NRG1: variants seen among roughly 807,000 people sequenced by gnomAD.
NRG1 encodes the protein pro-neuregulin-1, membrane-bound isoform.
In NRG1, 18 loss-of-function variants were observed where a neutral mutation model predicts 63.8. The ratio of observed to expected loss-of-function variants is 0.28; its 90% CI spans 0.19 to 0.42. NRG1 has a LOEUF of 0.42. Ranked by LOEUF, NRG1 falls within the 10% of genes least tolerant of loss-of-function variation. NRG1 has a pLI of 1.00. For missense variants in NRG1, 762 were observed against 814.7 expected (o/e 0.94, Z 0.79); for synonymous variants, 302 against 301.3 (o/e 1.00, Z -0.02).
chr8:32,506,636 T>A (rs756595737), intron 1 of NRG1, among the ~76,000 whole-genome samples: 2 of 152,136 alleles, frequency 1.3e-5, no homozygotes, highest in Non-Finnish European at 2.9e-5. Context: ...CCTGCCAATC[T>A]AAATTTGGAG....
chr8:31,958,702 T>C (rs1158929307), intron 1 of NRG1, among the ~76,000 whole-genome samples: 1 of 152,214 alleles, frequency 6.6e-6, no homozygotes, highest in Non-Finnish European at 1.5e-5. Context: ...TATGCTTTAC[T>C]ATTACATAAG....
At chr8:32,040,761 A>ATATG (rs1819885734) in intron 1 of NRG1, among the ~76,000 whole-genome samples, 1 of 132,710 alleles carries the variant, frequency 7.5e-6, no homozygotes, top group African/African-American at 2.6e-5. Flanking sequence ...ATATATATAT[A>ATATG]TATATATGCG....
intron 1 of NRG1, among the ~76,000 whole-genome samples, chr8:32,485,728 G>T (rs867388710): frequency 6.6e-6 from 1 of 152,162 alleles, no homozygotes. Context: ...TTAAACTCCT[G>T]AGAGAAGTTG....
intron 1 of NRG1, among the ~76,000 whole-genome samples, chr8:31,871,927 T>C (rs530664651): frequency 6.6e-6 from 1 of 152,176 alleles, no homozygotes; most frequent in Non-Finnish European, 1.5e-5. Flanking sequence ...AATGTGGCTT[T>C]TATTTTTTTT....
chr8:32,013,539 C>T (rs1420656413), intron 1 of NRG1, among the ~76,000 whole-genome samples: 1 of 152,024 alleles, frequency 6.6e-6, no homozygotes, highest in African/African-American at 2.4e-5. Flanking sequence ...TGAAGGCAGG[C>T]CAAGGCCTCC....
chr8:31,745,368 T>G (rs1815741987), intron 1 of NRG1, among the ~76,000 whole-genome samples: 1 of 151,646 alleles, frequency 6.6e-6, no homozygotes, highest in South Asian at 2.1e-4. Context: ...GATATAGGAG[T>G]CGTGGCGGCC....
intron 1 of NRG1, among the ~76,000 whole-genome samples, chr8:31,811,785 A>G (rs191293224): frequency 6.6e-6 from 1 of 152,174 alleles, no homozygotes; most frequent in East Asian, 1.9e-4. Context: ...TTGTAATTTA[A>G]CGAAAGAGAG....
chr8:31,855,291 G>T (rs1015721747), intron 1 of NRG1, among the ~76,000 whole-genome samples: 5 of 152,076 alleles, frequency 3.3e-5, no homozygotes, highest in African/African-American at 7.2e-5. Flanking sequence ...TGAATCTGGG[G>T]GCTCCTGTAT....
chr8:32,167,308 T>C (rs1294810368), intron 1 of NRG1, among the ~76,000 whole-genome samples: 2 of 152,154 alleles, frequency 1.3e-5, no homozygotes, highest in South Asian at 2.1e-4. Context: ...TAAATCAGAA[T>C]GTAAGAGCCA....
intron 1 of NRG1, among the ~76,000 whole-genome samples, chr8:32,558,850 G>A (rs758470131): frequency 6.6e-6 from 1 of 151,998 alleles, no homozygotes; most frequent in African/African-American, 2.4e-5. Context: ...GGAAGCCAAA[G>A]TGGGAGATCT....
intron 5 of NRG1, among the ~76,000 whole-genome samples, chr8:32,656,372 G>A (rs1254975834): frequency 6.6e-6 from 1 of 152,056 alleles, no homozygotes. Flanking sequence ...AGTATATATT[G>A]GAGATTCTGT....
chr8:32,015,540 T>C (rs1473634533), intron 1 of NRG1, among the ~76,000 whole-genome samples: 2 of 152,158 alleles, frequency 1.3e-5, no homozygotes, highest in Admixed American at 6.6e-5. Context: ...CTTGGCAAAT[T>C]TGGTGAATTA....
chr8:32,675,548 A>G (rs1417373811), intron 5 of NRG1, among the ~76,000 whole-genome samples: 1 of 152,236 alleles, frequency 6.6e-6, no homozygotes, highest in Non-Finnish European at 1.5e-5. Flanking sequence ...TTCAAAGAGT[A>G]AAATATTTAA....
chr8:31,880,759 G>A (rs1830287975), intron 1 of NRG1, among the ~76,000 whole-genome samples: 1 of 152,108 alleles, frequency 6.6e-6, no homozygotes, highest in East Asian at 1.9e-4. Flanking sequence ...ATTATTCTCA[G>A]CATTTCCTGT....
chr8:32,326,158 C>T (rs967786037), intron 1 of NRG1, among the ~76,000 whole-genome samples: 11 of 151,852 alleles, frequency 7.2e-5, no homozygotes, highest in African/African-American at 2.4e-4. Flanking sequence ...TACAGGCGCA[C>T]GCCACCATGC....
chr8:32,309,320 C>G (rs767196745), intron 1 of NRG1, among the ~76,000 whole-genome samples: 1 of 152,112 alleles, frequency 6.6e-6, no homozygotes, highest in Admixed American at 6.5e-5. Context: ...TACACCCCCC[C>G]ACCCCAAATA....
intron 1 of NRG1, among the ~76,000 whole-genome samples, chr8:32,201,113 G>C (rs991467176): frequency 3.3e-5 from 5 of 152,172 alleles, no homozygotes; most frequent in Non-Finnish European, 7.4e-5. Flanking sequence ...AGTTCAGGCA[G>C]TCTCCATTTT....
intron 1 of NRG1, among the ~76,000 whole-genome samples, chr8:32,581,366 G>A (rs1052794669): frequency 3.9e-5 from 6 of 152,186 alleles, no homozygotes; most frequent in Middle Eastern, 3.2e-3. Flanking sequence ...AGTAATAAAG[G>A]TAGTGATAAC....
chr8:31,790,878 C>T (rs1284462238), intron 1 of NRG1, among the ~76,000 whole-genome samples: 1 of 152,164 alleles, frequency 6.6e-6, no homozygotes, highest in African/African-American at 2.4e-5. Context: ...ATGAGCAGGT[C>T]ATGATTCTCA....
Sources: allele counts gnomAD v4.1 joint callset (sites outside exome capture counted in the v4.1 genomes callset), GRCh38; gene constraint gnomAD v4.1.1; transcripts MANE v1.5; gene names NCBI Gene and HGNC (gene_info 2026-07-23, HGNC 2026-07-21).